Variants in CECR2 observed in about 807,000 individuals in gnomAD.
The protein encoded by CECR2 is chromatin remodeling regulator CECR2.
A neutral mutation model predicts 154.5 loss-of-function variants in CECR2; 30 were observed. The observed-to-expected ratio is 0.19, with a 90% CI of 0.15 to 0.26. CECR2 has a LOEUF of 0.26. Ranked by LOEUF, CECR2 falls within the 10% of genes least tolerant of loss-of-function variation. The pLI is 1.00. For missense variants in CECR2, 1,743 were observed against 1,829.3 expected, an observed-to-expected ratio of 0.95 and a Z score of 0.86; for synonymous variants, 725 against 683.7, an observed-to-expected ratio of 1.06 and a Z score of -0.94.
At chr22:17,428,598 T>C (rs1330293789) in intron 1 of CECR2, 1 of 152,170 alleles carries the variant, frequency 6.6e-6, no homozygotes, top group Non-Finnish European at 1.5e-5. Flanking sequence ...TTTCAAAATA[T>C]TGAGTTTATT....
At chr22:17,468,232 T>C (rs949204035) in intron 1 of CECR2, among the ~76,000 whole-genome samples, 6 of 152,206 alleles carry the variant, frequency 3.9e-5, no homozygotes, top group Non-Finnish European at 7.3e-5. Flanking sequence ...TGTTTTGGGC[T>C]CTTTCAAGGT....
rs770216722 is a variant in CECR2 at position 17,540,632 on chromosome 22, T to A, written c.1716T>A (p.Asn572Lys). 1 of 1,613,816 alleles carries A rather than the reference T, an allele frequency of 6.2e-7. No homozygotes were observed. The highest frequency in any genetic ancestry group is 2.2e-5 in the East Asian group (1 of 44,868). ...GSSRKQQPME[N>K]GGKSLPPTRR... ...GCAGGAAACAGCAGCCCATGGAGAATGGAGGAAAGTCGTTGCCCCCCACAC... is the reference window on the plus strand; with the variant it reads ...GCAGGAAACAGCAGCCCATGGAGAAAGGAGGAAAGTCGTTGCCCCCCACAC... The change falls in exon 14 of 19, where the codon AAT becomes AAA. Residue 572 changes from asparagine to lysine, a missense_variant. By Grantham distance (94) the Asn-to-Lys change is moderately conservative. This residue lies in a region of CECR2 where 1,250 missense variants were observed against 1,192.1 expected (regional missense o/e 1.05). Transcript: ENST00000262608.
At chr22:17,383,152 G>A (rs1227666692) in intron 1 of CECR2, among the ~76,000 whole-genome samples, 2 of 152,136 alleles carry the variant, frequency 1.3e-5, no homozygotes, top group Non-Finnish European at 2.9e-5. Context: ...TTGAACCCGG[G>A]AGGCGGAGTT....
chr22:17,541,474 T>C (rs1246605861), intron 14 of CECR2, among the ~76,000 whole-genome samples: 2 of 152,216 alleles, frequency 1.3e-5, no homozygotes, highest in Non-Finnish European at 2.9e-5. Context: ...TAATCTTTAT[T>C]GTATAAAGCA....
upstream of CECR2, among the ~76,000 whole-genome samples, chr22:17,365,619 C>T (rs191335113): frequency 5.3e-5 from 8 of 152,034 alleles, no homozygotes; most frequent in East Asian, 3.9e-4. Flanking sequence ...TGGTGTGAAC[C>T]GGGGAGGCGG....
Position 17,524,207 on chromosome 22 carries a change from G to GC in CECR2, c.1045dup (p.Gln349ProfsTer63). ...TTCTTCTAGCAGTGCAGAAGAAGGAGCAGGAGCAGATGCTAAAGGAAGAGA... is the reference window on the plus strand; with the variant it reads ...TTCTTCTAGCAGTGCAGAAGAAGGAGCCAGGAGCAGATGCTAAAGGAAGAGA... On this transcript the variant is annotated frameshift_variant, in exon 9 of 19. Coordinates refer to ENST00000262608, the MANE Select transcript of CECR2 (RefSeq NM_001290047.2). LOFTEE classifies it high-confidence loss of function. 1 of 1,609,624 alleles carries GC rather than the reference G, an allele frequency of 6.2e-7. No individual in the cohort carries two copies. Among genetic ancestry groups the GC allele is most frequent in the Non-Finnish European group, 8.5e-7 (1 of 1,178,104 alleles).
chr22:17,490,147 T>TTGTGTGTG lies in CECR2; in HGVS notation c.222-7242_222-7235dup, dbSNP rs66788556. 2.1e-3 allele frequency among the ~76,000 whole-genome samples: 311 copies of TTGTGTGTG among 149,776 alleles called. 1 individual carries two copies. The highest frequency in any genetic ancestry group is 3.1e-3 in the Non-Finnish European group (208 of 67,528). ...AGATCTGTTCCTTACTGTTTTTTTT[T>TTGTGTGTG]TGTGTGTGTGTGTGTGTGTGTTTGG... On this transcript the variant is annotated intron_variant, in intron 2 of 18. Coordinates refer to ENST00000262608, the MANE Select transcript of CECR2 (RefSeq NM_001290047.2).
intron 1 of CECR2, among the ~76,000 whole-genome samples, chr22:17,379,144 A>C (rs1416526641): frequency 1.3e-5 from 2 of 152,196 alleles, no homozygotes; most frequent in South Asian, 4.2e-4. Context: ...TTTAGTAGAG[A>C]CAGGGTTTCA....
intron 1 of CECR2, among the ~76,000 whole-genome samples, chr22:17,382,166 AG>A (rs1229307113): frequency 2.0e-5 from 3 of 151,910 alleles, no homozygotes; most frequent in African/African-American, 7.3e-5. Context: ...CTGGGATTAC[AG>A]GCGTGAGCCA....
intron 2 of CECR2, among the ~76,000 whole-genome samples, chr22:17,492,130 C>T (rs191615402): frequency 1.3e-5 from 2 of 152,312 alleles, no homozygotes; most frequent in Admixed American, 6.5e-5. Context: ...TTATGTTAAA[C>T]GTGGCCTGTG....
At position 17,539,109 on chromosome 22, in the gene CECR2, G is replaced by A. The variant is rs1459391809; in HGVS notation, c.1485G>A (p.Gly495=). The change falls in exon 13 of 19, where the codon GGG becomes GGA. Residue 495 remains glycine, a synonymous_variant. Coordinates refer to ENST00000262608, the MANE Select transcript of CECR2 (RefSeq NM_001290047.2). The part of the protein sequence containing the change: ...TMFRNCRKYN[G]ESSEYTKMSD... ...TCAGGAATTGTCGAAAGTATAATGG[G>A]GAAAGTAGTGGTAAGCAGGGAAGGA... 1 of 1,613,124 alleles carries A rather than the reference G, an allele frequency of 6.2e-7. No individual in the cohort carries two copies. Among genetic ancestry groups the A allele is most frequent in the East Asian group, 2.2e-5 (1 of 44,876 alleles).
intron 1 of CECR2, among the ~76,000 whole-genome samples, chr22:17,435,700 A>AC (rs1216815436): frequency 1.3e-5 from 2 of 149,722 alleles, no homozygotes; most frequent in African/African-American, 2.5e-5. Context: ...AAAAAAAAAA[A>AC]AAAAAAAAAA....
At chr22:17,454,478 A>G (rs1022221087) in intron 1 of CECR2, among the ~76,000 whole-genome samples, 2 of 151,414 alleles carry the variant, frequency 1.3e-5, no homozygotes, top group Non-Finnish European at 2.9e-5. Context: ...GGTGGCGGGC[A>G]CCTGTAGTCC....
intron 1 of CECR2, among the ~76,000 whole-genome samples, chr22:17,389,461 T>A (rs993380031): frequency 6.6e-6 from 1 of 152,052 alleles, no homozygotes; most frequent in African/African-American, 2.4e-5. Flanking sequence ...TTTTAGTGTT[T>A]TTATGACTTA....
Position 17,549,454 on chromosome 22 carries a change from C to A in CECR2, c.4167C>A (p.Ile1389=). Residue 1389 remains isoleucine (I), a synonymous_variant, in exon 17 of 19, where the codon ATC becomes ATA. Coordinates refer to ENST00000262608, the MANE Select transcript of CECR2 (RefSeq NM_001290047.2). ...QPNGLSQEGP[I]YRCQEEGLGH... ...ACGGCCTCTCTCAGGAGGGTCCCAT[C>A]TATCGCTGCCAGGAAGAAGGCCTGG... The A allele has an allele frequency of 6.2e-7, 1 of 1,612,182 alleles. No homozygotes were observed. The highest frequency in any genetic ancestry group is 8.5e-7 in the Non-Finnish European group (1 of 1,179,094).
chr22:17,476,831 G>C (rs1381426162), intron 1 of CECR2, among the ~76,000 whole-genome samples: 2 of 152,152 alleles, frequency 1.3e-5, no homozygotes, highest in African/African-American at 4.8e-5. Context: ...GAAAATACCT[G>C]CTTATTTTGG....
At chr22:17,480,876 C>T (rs150394629) in intron 2 of CECR2, among the ~76,000 whole-genome samples, 2,733 of 151,602 alleles carry the variant, frequency 0.018, 42 homozygotes, top group Non-Finnish European at 0.026. Flanking sequence ...CCGGTCTCTA[C>T]TAAAAATACA....
intron 1 of CECR2, among the ~76,000 whole-genome samples, chr22:17,409,133 TG>T (rs1333595511): frequency 1.3e-5 from 2 of 152,072 alleles, no homozygotes; most frequent in South Asian, 4.2e-4. Context: ...TGTTTTTTTT[TG>T]TTTGTTTGTT....
At chr22:17,397,079 A>G (rs1045152290) in intron 1 of CECR2, among the ~76,000 whole-genome samples, 5 of 151,934 alleles carry the variant, frequency 3.3e-5, no homozygotes, top group African/African-American at 4.8e-5. Context: ...AATGCATGGG[A>G]CATTCTCCAC....
Sources: gnomAD v4.1 joint callset for allele counts (sites outside exome capture counted in the v4.1 genomes callset) on GRCh38, gnomAD v4.1.1 for gene constraint, gnomAD v4.1.1 regional missense constraint, MANE v1.5 for transcripts, NCBI Gene and HGNC (gene_info 2026-07-23, HGNC 2026-07-21) for gene names.